GMIP: variants seen among roughly 807,000 people sequenced by gnomAD.
GMIP encodes GEM-interacting protein.
Under a neutral mutation model 105.3 loss-of-function variants are expected in GMIP, and 54 were observed. The ratio of observed to expected loss-of-function variants is 0.51; its 90% CI spans 0.41 to 0.64. The LOEUF (loss-of-function observed/expected upper bound fraction) is 0.64, where lower values mean the gene tolerates loss of function less well. Ranked by LOEUF, GMIP falls within the 30% of genes least tolerant of loss-of-function variation. GMIP has a pLI of 0.00. For missense variants in GMIP, 1,110 were observed against 1,319.4 expected, an observed-to-expected ratio of 0.84 and a Z score of 2.46; for synonymous variants, 541 against 560.8, an observed-to-expected ratio of 0.96 and a Z score of 0.50.
Position 19,636,937 on chromosome 19 carries a change from C to T in GMIP, c.1217G>A (p.Gly406Asp), listed in dbSNP as rs1215150053. Residue 406 changes from glycine to aspartate, a missense_variant, in exon 12 of 21, where the codon GGC becomes GAC. By Grantham distance (94) the Gly-to-Asp change is moderately conservative (BLOSUM62 -1). Transcript: ENST00000203556. ...CTCACCTTGCCAGCGCCAGCCTGTGCCCGGATCCTCCCAAGGGCCTGGCTC... is the reference window on the plus strand; with the variant it reads ...CTCACCTTGCCAGCGCCAGCCTGTGTCCGGATCCTCCCAAGGGCCTGGCTC... ...SAEPGPWEDP[G>D]TGWRWQGTPG... The T allele has an allele frequency of 6.3e-7, 1 of 1,580,904 alleles. No individual in the cohort carries two copies. Among genetic ancestry groups the T allele is most frequent in the Non-Finnish European group, 8.6e-7 (1 of 1,162,618 alleles).
chr19:19,640,817 G>A (rs537046221), intron 4 of GMIP, among the ~76,000 whole-genome samples: 2 of 152,278 alleles, frequency 1.3e-5, no homozygotes, highest in South Asian at 2.1e-4. Context: ...CCAGGCTAGA[G>A]TGCAATGGCG....
intron 13 of GMIP, among the ~76,000 whole-genome samples, 198 bp downstream of exon 13, chr19:19,636,509 T>G (rs1190261364): frequency 6.6e-6 from 1 of 152,056 alleles, no homozygotes. Flanking sequence ...GGCGACAGAA[T>G]GAGACTGTCT....
At position 19,630,302 on chromosome 19, in the gene GMIP, C is replaced by G; in HGVS notation, c.2574G>C (p.Gly858=). ...SSQGPEDSLL[G]TQSRGHFSRQ... Reference sequence around the variant, plus strand: ...GGCTGAAGTGGCCACGAGACTGTGTCCCCAGGAGTGAGTCCTCTGGGCCTT... The same window carrying G: ...GGCTGAAGTGGCCACGAGACTGTGTGCCCAGGAGTGAGTCCTCTGGGCCTT... Residue 858 remains glycine (G), a synonymous_variant, in exon 21 of 21, where the codon GGG becomes GGC. Transcript: ENST00000203556. This position sits in a 1 kb window ranked among gnomAD's most constrained non-coding sequence, Gnocchi z 4.8. 6 of 1,545,130 alleles carry G rather than the reference C, an allele frequency of 3.9e-6. No homozygotes were observed. Among genetic ancestry groups the G allele is most frequent in the Non-Finnish European group, 4.4e-6 (5 of 1,144,278 alleles).
chr19:19,640,639 C>T, intron 4 of GMIP, 68 bp from the exon 5 acceptor site: 1 of 1,542,356 alleles, frequency 6.5e-7, no homozygotes, highest in Non-Finnish European at 8.9e-7. Flanking sequence ...CCTAAGCCCC[C>T]AGACCAGCCC....
chr19:19,635,140 C>T lies in GMIP; in HGVS notation c.1634G>A (p.Arg545Gln), dbSNP rs770724061. Reference sequence around the variant, plus strand: ...GAAGTCAACCCCAAAAAGGGGTGTCCGGGCTGGGAGCCGCCTGTGTCCACA... The same window carrying T: ...GAAGTCAACCCCAAAAAGGGGTGTCTGGGCTGGGAGCCGCCTGTGTCCACA... ...ILCGHRRLPA[R>Q]TPLFGVDFLQ... The change falls in exon 16 of 21, where the codon CGG becomes CAG. Residue 545 changes from arginine to glutamine, a missense_variant. Arg to Gln is a conservative substitution (Grantham distance 43, BLOSUM62 1). Around this residue, in one of 3 missense-constraint regions of GMIP, gnomAD observed 667 missense variants for 773.2 expected, o/e 0.86. Transcript: ENST00000203556. This position sits in a 1 kb window ranked among gnomAD's most constrained non-coding sequence, Gnocchi z 4.7. 5.6e-6 allele frequency: 9 copies of T among 1,613,722 alleles called. No homozygotes were observed. The highest frequency in any genetic ancestry group is 1.7e-5 in the Admixed American group (1 of 59,962).
At chr19:19,636,674 G>A (rs780586460) in intron 13 of GMIP, 33 bp downstream of exon 13, 2 of 1,470,538 alleles carry the variant, frequency 1.4e-6, no homozygotes, top group South Asian at 1.1e-5. Flanking sequence ...GGTCACAGGT[G>A]GAGTGTGGGT....
chr19:19,643,643 G>T lies in GMIP; in HGVS notation c.-114C>A. On this transcript the variant is annotated 5_prime_UTR_variant, in exon 1 of 21. Transcript: ENST00000203556. ...GCCGCCGCCGCCGCCTCGGTTCCGC[G>T]TCGCCCTGCCCAGCGGAGGCCACGC... 1 of 914,352 alleles carries T rather than the reference G, an allele frequency of 1.1e-6. No individual in the cohort carries two copies. The highest frequency in any genetic ancestry group is 1.6e-6 in the Non-Finnish European group (1 of 621,060). 56.6% of individuals were successfully genotyped at this position (914,352 alleles called of 1,614,324 possible).
Position 19,630,684 on chromosome 19 carries a change from A to G in GMIP, c.2473-147T>C, listed in dbSNP as rs2061786501. On this transcript the variant is annotated intron_variant, in intron 19 of 20. Transcript: ENST00000203556. The surrounding 1 kb of genome is among the most constrained non-coding windows in gnomAD (Gnocchi z 4.8). ...GTAGGAGCATGCCTGGTATGTTAGG[A>G]CGCAGCCCCACCCTGTAATGAATGA... is the stretch of plus-strand genomic sequence containing the variant. 4 of 675,986 alleles carry G rather than the reference A, an allele frequency of 5.9e-6. No individual in the cohort carries two copies. Among genetic ancestry groups the G allele is most frequent in the South Asian group, 5.5e-5 (3 of 55,026 alleles). 41.9% of individuals were successfully genotyped at this position (675,986 alleles called of 1,614,324 possible).
intron 7 of GMIP, among the ~76,000 whole-genome samples, chr19:19,639,192 T>A (rs1184017802): frequency 6.6e-6 from 1 of 151,426 alleles, no homozygotes; most frequent in Non-Finnish European, 1.5e-5. Flanking sequence ...ACCCTCAGCC[T>A]CCTAGTAGCT....
rs567365098 is a variant in GMIP, at chr19:19,637,649, G to T, written c.928-88C>A. On this transcript the variant is annotated intron_variant, in intron 10 of 20. Transcript: ENST00000203556. This position sits in a 1 kb window ranked among gnomAD's most constrained non-coding sequence, Gnocchi z 6.7. Reference sequence around the variant, plus strand: ...AGCTGGGGCGGGGCTTGAGAGACGCGAACGTGGTCAGGGTTTGGGACGCAC... The same window carrying T: ...AGCTGGGGCGGGGCTTGAGAGACGCTAACGTGGTCAGGGTTTGGGACGCAC... 4.3e-4 allele frequency: 482 copies of T among 1,132,542 alleles called. 4 individuals are homozygous for T. In the South Asian group the frequency reaches 7.5e-3, roughly 18 times the overall value. The allele number at this position is 1,132,542 out of a possible 1,614,324, so 70.2% of individuals were successfully genotyped here. A position where few individuals can be genotyped will look rare whatever the true frequency, so the allele number is the denominator to read the frequency against.
rs1354852614 is a variant in GMIP at position 19,635,236 on chromosome 19, A to T, written c.1561-23T>A. ...GCACTGTGGGGAAGGTCACAGGGAC[A>T]GGGAGGTCATTAGGGACCAGTAGGG... On this transcript the variant is annotated intron_variant, in intron 15 of 20. Transcript: ENST00000203556. This position sits in a 1 kb window ranked among gnomAD's most constrained non-coding sequence, Gnocchi z 4.7. The T allele has an allele frequency of 3.1e-6, 5 of 1,600,982 alleles. No homozygotes were observed. The highest frequency in any genetic ancestry group is 4.3e-6 in the Non-Finnish European group (5 of 1,171,672).
chr19:19,632,520 G>A (rs2061807164), intron 19 of GMIP, among the ~76,000 whole-genome samples: 1 of 152,136 alleles, frequency 6.6e-6, no homozygotes. Flanking sequence ...GCAACACAGT[G>A]AGATTCTGTC....
In GMIP at chr19:19,637,962, G is replaced by A. The variant is rs772765246; in HGVS notation, c.885C>T (p.His295=). 2 of 1,610,960 alleles carry A rather than the reference G, an allele frequency of 1.2e-6. No homozygotes were observed. The highest frequency in any genetic ancestry group is 1.7e-5 in the Admixed American group (1 of 59,872). Residue 295 remains histidine (H), a synonymous_variant, in exon 10 of 21, where the codon CAC becomes CAT. Coordinates refer to ENST00000203556, the MANE Select transcript of GMIP (RefSeq NM_016573.4). This position sits in a 1 kb window ranked among gnomAD's most constrained non-coding sequence, Gnocchi z 6.7. ...CCCCCTGAAACACCAGCTTGCGCAC[G>A]TGCGACACGATTCGCTGCTTGGCGA... ...LEIAKQRIVS[H]VRKLVFQGDE... is the part of the protein sequence containing the mutation.
Position 19,640,447 on chromosome 19 carries a change from A to G in GMIP, c.363T>C (p.Tyr121=), listed in dbSNP as rs933501133. The G allele has an allele frequency of 6.2e-7, 1 of 1,614,112 alleles. No individual in the cohort carries two copies. The highest frequency in any genetic ancestry group is 8.5e-7 in the Non-Finnish European group (1 of 1,180,024). ...GGGCTGGGCGGAAGAGGTCCTCACCATAGCTGGCTCTCTTTTCAGTCCAGG... is the reference window on the plus strand; with the variant it reads ...GGGCTGGGCGGAAGAGGTCCTCACCGTAGCTGGCTCTCTTTTCAGTCCAGG... The part of the protein sequence containing the change: ...LLAWTEKRAS[Y]ELEFAKSTMK... The change falls in exon 5 of 21, where the codon TAT becomes TAC. Residue 121 remains tyrosine, a splice_region_variant and synonymous_variant. Transcript: ENST00000203556.
rs1056094913 is a variant in GMIP, at chr19:19,637,357, T to G, written c.1124+8A>C. On this transcript the variant is annotated splice_region_variant and intron_variant, in intron 11 of 20. Transcript: ENST00000203556. The surrounding 1 kb of genome is among the most constrained non-coding windows in gnomAD (Gnocchi z 6.7). ...GCTCGTTCCCGACTCCCTGCTCCAG[T>G]GACCCACCTGTTCAAGGAGGGAAGG... is the stretch of plus-strand genomic sequence containing the variant. 1 of 1,484,564 alleles carries G rather than the reference T, an allele frequency of 6.7e-7. No homozygotes were observed. Among genetic ancestry groups the G allele is most frequent in the Non-Finnish European group, 9.0e-7 (1 of 1,116,638 alleles). 92.0% of individuals were successfully genotyped at this position (1,484,564 alleles called of 1,614,324 possible). A position where few individuals can be genotyped will look rare whatever the true frequency, so the allele number is the denominator to read the frequency against.
At chr19:19,638,867 G>A (rs1260745447) in intron 7 of GMIP, among the ~76,000 whole-genome samples, 1 of 150,392 alleles carries the variant, frequency 6.6e-6, no homozygotes, top group Non-Finnish European at 1.5e-5. Context: ...GATCACCTGA[G>A]GCCAGGAGTT....
intron 1 of GMIP, among the ~76,000 whole-genome samples, chr19:19,642,871 A>G (rs1480654981): frequency 1.3e-5 from 2 of 152,056 alleles, no homozygotes; most frequent in Admixed American, 6.6e-5. Context: ...AAGCAAACCA[A>G]CAAAACAGAT....
At chr19:19,638,591 ATT>A (rs776778379) in intron 7 of GMIP, 109 bp from the exon 8 acceptor site, 628 of 683,282 alleles carry the variant, frequency 9.2e-4, no homozygotes, top group Non-Finnish European at 1.1e-3. Flanking sequence ...TCTGGACTCT[ATT>A]TTTTTTTTTT....
Position 19,637,696 on chromosome 19 carries a change from G to A in GMIP, c.928-135C>T, listed in dbSNP as rs2061870699. On this transcript the variant is annotated intron_variant, in intron 10 of 20. Transcript: ENST00000203556. This position sits in a 1 kb window ranked among gnomAD's most constrained non-coding sequence, Gnocchi z 6.7. ...GCACCTGGGCGGCTTAGGAACTAGG[G>A]CAGTCGGCCAGGGGACCCAGGCATG... is the stretch of plus-strand genomic sequence containing the variant. 3 of 854,366 alleles carry A rather than the reference G, an allele frequency of 3.5e-6. No individual in the cohort carries two copies. The highest frequency in any genetic ancestry group is 5.2e-6 in the Non-Finnish European group (3 of 575,694). 52.9% of individuals were successfully genotyped at this position (854,366 alleles called of 1,614,324 possible).
Sources: allele counts gnomAD v4.1 joint callset (sites outside exome capture counted in the v4.1 genomes callset), GRCh38; gene constraint gnomAD v4.1.1; regional missense constraint gnomAD v4.1.1; non-coding constraint Gnocchi (gnomAD v3.1); transcripts MANE v1.5; gene names NCBI Gene and HGNC (gene_info 2026-07-23, HGNC 2026-07-21).